GNAI1: variants seen among roughly 807,000 people sequenced by gnomAD.
GNAI1 encodes the protein guanine nucleotide-binding protein G(i) subunit alpha-1.
In GNAI1, 11 loss-of-function variants were observed where a neutral mutation model predicts 38.9. That is an observed-to-expected ratio of 0.28 (90% CI 0.18 to 0.47). The LOEUF (loss-of-function observed/expected upper bound fraction) is 0.47, where lower values mean the gene tolerates loss of function less well. Ranked by LOEUF, GNAI1 falls within the 20% of genes least tolerant of loss-of-function variation. The pLI is 0.99. For synonymous variants in GNAI1, 166 were observed against 145.1 expected (o/e 1.14, Z -1.04); for missense variants, 317 against 436.9 (o/e 0.73, Z 2.45).
rs966945638 is a variant in GNAI1, at chr7:80,168,733, G to A, written c.119-20218G>A. On this transcript the variant is annotated intron_variant, in intron 1 of 7. Transcript: ENST00000649796. ...TGGCATTAAGTACAGTCACATTGTT[G>A]TTCACCATCACCAGTGTCCATCTCT... Among the ~76,000 whole-genome samples the A allele has an allele frequency of 2.6e-5, 4 of 152,146 alleles. No individual in the cohort carries two copies. In the East Asian group the frequency reaches 5.8e-4, roughly 22 times the overall value.
At position 80,191,294 on chromosome 7, in the gene GNAI1, G is replaced by T. The variant is rs1313072267; in HGVS notation, c.303+2063G>T. On this transcript the variant is annotated intron_variant, in intron 3 of 7. Transcript: ENST00000649796. Reference sequence around the variant, plus strand: ...AAACGTGGCCTGGACACGAGGAAGGGGCATTGAAACTGAGTGTTGAAACAT... The same window carrying T: ...AAACGTGGCCTGGACACGAGGAAGGTGCATTGAAACTGAGTGTTGAAACAT... 2.0e-5 allele frequency among the ~76,000 whole-genome samples: 3 copies of T among 151,946 alleles called. No homozygotes were observed. The East Asian group carries it at 5.8e-4, about 29-fold the overall frequency.
At chr7:80,192,190 C>T (rs1307736194) in intron 3 of GNAI1, among the ~76,000 whole-genome samples, 1 of 152,102 alleles carries the variant, frequency 6.6e-6, no homozygotes, top group Non-Finnish European at 1.5e-5. Flanking sequence ...TCGATTCTCA[C>T]TTCTGTGTTT....
intron 1 of GNAI1, among the ~76,000 whole-genome samples, chr7:80,186,490 TTG>T (rs1429556521): frequency 1.3e-5 from 2 of 152,150 alleles, no homozygotes; most frequent in Non-Finnish European, 2.9e-5. Flanking sequence ...GCAGGAAAAT[TTG>T]TTTTTTTTTC....
intron 5 of GNAI1, among the ~76,000 whole-genome samples, chr7:80,207,209 T>TAATAAGTGGC (rs370626091): frequency 9.0e-4 from 137 of 152,234 alleles, no homozygotes; most frequent in African/African-American, 3.1e-3. Context: ...GTATACATAG[T>TAATAAGTGGC]AATAAGTGGC....
chr7:80,136,727 C>T (rs999943662), intron 1 of GNAI1, among the ~76,000 whole-genome samples: 1 of 152,054 alleles, frequency 6.6e-6, no homozygotes, highest in Non-Finnish European at 1.5e-5. Flanking sequence ...TTTTTTCTTG[C>T]AGTTTTTGCT....
At chr7:80,166,287 C>G (rs942564947) in intron 1 of GNAI1, among the ~76,000 whole-genome samples, 1 of 152,048 alleles carries the variant, frequency 6.6e-6, no homozygotes, top group Non-Finnish European at 1.5e-5. Context: ...TAGGTAGAAA[C>G]ATGTAATTGT....
rs752169529 is a variant in GNAI1, at chr7:80,199,187, A to G, written c.304-38A>G. ...CCTTTGTACTTTTTATCTCTGACGT[A>G]TCCCTTTTTACTTAAAAAATGTCCT... On this transcript the variant is annotated intron_variant, in intron 3 of 7. Coordinates refer to ENST00000649796, the MANE Select transcript of GNAI1 (RefSeq NM_002069.6). 2.2e-5 allele frequency: 32 copies of G among 1,471,146 alleles called. No individual in the cohort carries two copies. The East Asian group carries it at 7.2e-4, about 33-fold the overall frequency. The allele number at this position is 1,471,146 out of a possible 1,614,324, so 91.1% of individuals were successfully genotyped here.
At chr7:80,215,991 G>A (rs1322356806) in intron 7 of GNAI1, among the ~76,000 whole-genome samples, 2 of 152,170 alleles carry the variant, frequency 1.3e-5, no homozygotes, top group African/African-American at 4.8e-5. Context: ...TGGCACTGCA[G>A]AGCAGGCTGG....
At chr7:80,141,023 C>T (rs1012963419) in intron 1 of GNAI1, among the ~76,000 whole-genome samples, 1 of 152,150 alleles carries the variant, frequency 6.6e-6, no homozygotes, top group African/African-American at 2.4e-5. Flanking sequence ...CTCCCTTTTT[C>T]ACTTGGAAGG....
chr7:80,199,063 A>G (rs1402826466), intron 3 of GNAI1, among the ~76,000 whole-genome samples, 162 bp from the exon 4 acceptor site: 6 of 152,164 alleles, frequency 3.9e-5, no homozygotes, highest in African/African-American at 7.2e-5. Flanking sequence ...GGTCAAGGCA[A>G]TTTTTAAGTG....
At chr7:80,186,801 G>T (rs1013879192) in intron 1 of GNAI1, among the ~76,000 whole-genome samples, 2 of 152,246 alleles carry the variant, frequency 1.3e-5, no homozygotes, top group East Asian at 1.9e-4. Flanking sequence ...AACCCAGAGT[G>T]GTTTATTAAA....
intron 1 of GNAI1, among the ~76,000 whole-genome samples, chr7:80,144,605 AGTAAC>A (rs1392775182): frequency 2.0e-5 from 3 of 152,148 alleles, no homozygotes; most frequent in Non-Finnish European, 2.9e-5. Flanking sequence ...AATTTTTTCT[AGTAAC>A]TGATCTATAT....
intron 1 of GNAI1, among the ~76,000 whole-genome samples, chr7:80,178,154 G>C (rs1788223518): frequency 6.6e-6 from 1 of 152,192 alleles, no homozygotes; most frequent in African/African-American, 2.4e-5. Flanking sequence ...GGAGCCTGAA[G>C]ATGTGAATGC....
Position 80,189,229 on chromosome 7 carries a change from G to A in GNAI1, c.301G>A (p.Ala101Thr). The change falls in exon 3 of 8, where the codon GCG becomes ACG. Residue 101 changes from alanine to threonine, a missense_variant and splice_region_variant. Transcript: ENST00000649796. ...LKIDFGDSARADDARQLFVLA... is the reference protein window; with the variant it reads ...LKIDFGDSARTDDARQLFVLA... ...GATAGACTTTGGTGACTCAGCCCGGGCGGTAAGTTATTAAATTTGTTGGAG... is the reference window on the plus strand; with the variant it reads ...GATAGACTTTGGTGACTCAGCCCGGACGGTAAGTTATTAAATTTGTTGGAG... 6.2e-7 allele frequency: 1 copy of A among 1,610,940 alleles called. No individual in the cohort carries two copies.
intron 5 of GNAI1, 122 bp downstream of exon 5, chr7:80,203,954 T>G: frequency 1.8e-6 from 1 of 563,106 alleles, no homozygotes. Flanking sequence ...GAAAAAAACT[T>G]TCTTCAGATG....
intron 5 of GNAI1, among the ~76,000 whole-genome samples, chr7:80,206,075 A>G (rs1392917171): frequency 6.6e-6 from 1 of 152,090 alleles, no homozygotes; most frequent in Non-Finnish European, 1.5e-5. Context: ...CTGTTAAATT[A>G]TATGCAACGA....
intron 1 of GNAI1, among the ~76,000 whole-genome samples, chr7:80,160,531 C>A (rs1422587456): frequency 6.6e-6 from 1 of 152,086 alleles, no homozygotes; most frequent in Non-Finnish European, 1.5e-5. Flanking sequence ...ATTGACCAAG[C>A]AGCTTTCAGC....
chr7:80,138,016 A>G (rs549114406), intron 1 of GNAI1, among the ~76,000 whole-genome samples: 2 of 152,336 alleles, frequency 1.3e-5, no homozygotes, highest in South Asian at 4.1e-4. Context: ...ATTCCATGTA[A>G]AACACGGCAG....
At chr7:80,182,755 C>T (rs762463770) in intron 1 of GNAI1, among the ~76,000 whole-genome samples, 19 of 152,114 alleles carry the variant, frequency 1.2e-4, no homozygotes, top group Non-Finnish European at 2.4e-4. Context: ...AAGACCCTCA[C>T]CCCTTTATAC....
Sources: gnomAD v4.1 joint callset for allele counts (sites outside exome capture counted in the v4.1 genomes callset) on GRCh38, gnomAD v4.1.1 for gene constraint, MANE v1.5 for transcripts, NCBI Gene and HGNC (gene_info 2026-07-23, HGNC 2026-07-21) for gene names.